COX5A: variants seen among roughly 807,000 people sequenced by gnomAD.
The protein encoded by COX5A is cytochrome c oxidase subunit 5A.
Under a neutral mutation model 16.1 loss-of-function variants are expected in COX5A, and 6 were observed. The observed-to-expected ratio is 0.37, with a 90% confidence interval of 0.20 to 0.73. The LOEUF (loss-of-function observed/expected upper bound fraction) is 0.73, where lower values mean the gene tolerates loss of function less well. COX5A is among the 30% of genes least tolerant of loss of function. COX5A has a pLI of 0.50. For missense variants in COX5A, 159 were observed against 194.9 expected, an observed-to-expected ratio of 0.82 and a Z score of 1.10; for synonymous variants, 73 against 73.8, an observed-to-expected ratio of 0.99 and a Z score of 0.06.
At chr15:74,922,734 C>T (rs958665887) in intron 4 of COX5A, among the ~76,000 whole-genome samples, 8 of 149,396 alleles carry the variant, frequency 5.4e-5, no homozygotes, top group Non-Finnish European at 1.0e-4. Flanking sequence ...GACACAGTCT[C>T]GGCTCACTGC....
intron 3 of COX5A, among the ~76,000 whole-genome samples, chr15:74,924,268 G>A (rs982318030): frequency 7.9e-5 from 12 of 152,064 alleles, no homozygotes; most frequent in African/African-American, 1.7e-4. Context: ...GCTGGGTGCC[G>A]TGGCTCATGC....
chr15:74,937,890 G>C, intron 1 of COX5A, 25 bp downstream of exon 1: 1 of 1,213,840 alleles, frequency 8.2e-7, no homozygotes, highest in Non-Finnish European at 1.0e-6. Flanking sequence ...ACGAGGGCGC[G>C]GGCAGTGGCA....
intron 1 of COX5A, among the ~76,000 whole-genome samples, chr15:74,933,435 C>CTATT (rs2065375788): frequency 9.6e-6 from 1 of 104,536 alleles, no homozygotes; most frequent in Admixed American, 1.0e-4. Context: ...ATCTATCTAT[C>CTATT]TATCTATCTA....
In COX5A at chr15:74,938,065, T is replaced by C; in HGVS notation, c.-51A>G. ...AGGACAGAGAGAAGCCGGTGTAAGC[T>C]CGCGGGTTGCTCCGGAGCGGGCGGG... On this transcript the variant is annotated 5_prime_UTR_variant, in exon 1 of 5. Coordinates refer to ENST00000322347, the MANE Select transcript of COX5A (RefSeq NM_004255.4). 1 of 1,169,530 alleles carries C rather than the reference T, an allele frequency of 8.6e-7. No individual in the cohort carries two copies. Among genetic ancestry groups the C allele is most frequent in the Non-Finnish European group, 1.1e-6 (1 of 933,178 alleles). The allele number at this position is 1,169,530 out of a possible 1,614,324, so 72.4% of individuals were successfully genotyped here. A position where few individuals can be genotyped will look rare whatever the true frequency, so the allele number is the denominator to read the frequency against.
chr15:74,931,159 G>A (rs889786192), intron 1 of COX5A, among the ~76,000 whole-genome samples: 3 of 151,046 alleles, frequency 2.0e-5, no homozygotes, highest in Admixed American at 1.3e-4. Flanking sequence ...TCCCCTAAGG[G>A]AACGTACACT....
intron 1 of COX5A, among the ~76,000 whole-genome samples, chr15:74,935,579 C>CAACA (rs2065385551): frequency 6.9e-6 from 1 of 145,238 alleles, no homozygotes; most frequent in Admixed American, 6.9e-5. Context: ...CCAGCCTAGG[C>CAACA]AACACAGTGA....
rs1196186453 is a variant in COX5A at position 74,923,873 on chromosome 15, G to A, written c.340-103C>T. On this transcript the variant is annotated intron_variant, in intron 3 of 4. Transcript: ENST00000322347. ...CCTTTAATTACTTATGCAGAGGCAG[G>A]TAGGACAGAATAATACAGGTGATCA... is the stretch of plus-strand genomic sequence containing the variant. 1.5e-5 allele frequency: 11 copies of A among 728,458 alleles called. No individual in the cohort carries two copies. The African/African-American group carries it at 1.7e-4, about 12-fold the overall frequency. The allele number at this position is 728,458 out of a possible 1,614,324, so 45.1% of individuals were successfully genotyped here.
intron 1 of COX5A, among the ~76,000 whole-genome samples, chr15:74,933,419 A>C (rs200608897): frequency 7.0e-6 from 1 of 143,394 alleles, no homozygotes; most frequent in African/African-American, 2.5e-5. Context: ...AAAAAAAAAA[A>C]TATCTATCTA....
chr15:74,925,069 T>C (rs1448913119), intron 3 of COX5A, among the ~76,000 whole-genome samples: 1 of 152,178 alleles, frequency 6.6e-6, no homozygotes, highest in Non-Finnish European at 1.5e-5. Context: ...ACGCCTGTAA[T>C]CCCAGCACTT....
At chr15:74,925,801 CAAG>C (rs2065340612) in intron 3 of COX5A, among the ~76,000 whole-genome samples, 1 of 152,070 alleles carries the variant, frequency 6.6e-6, no homozygotes, top group Non-Finnish European at 1.5e-5. Context: ...TGACAAATAG[CAAG>C]AAGATGAATA....
intron 2 of COX5A, among the ~76,000 whole-genome samples, chr15:74,928,447 C>A (rs539683447): frequency 1.3e-5 from 2 of 151,796 alleles, no homozygotes; most frequent in Admixed American, 6.6e-5. Context: ...TGCAGTGGCG[C>A]GATCTCGGCT....
At chr15:74,933,668 G>A (rs2065376788) in intron 1 of COX5A, among the ~76,000 whole-genome samples, 1 of 152,060 alleles carries the variant, frequency 6.6e-6, no homozygotes. Context: ...TTTGGAAGAC[G>A]GTTTAAGCAG....
intron 1 of COX5A, among the ~76,000 whole-genome samples, chr15:74,932,391 G>C (rs1354752106): frequency 6.6e-6 from 1 of 152,040 alleles, no homozygotes; most frequent in Non-Finnish European, 1.5e-5. Context: ...CTAGCCTCAA[G>C]CAATCCTACC....
chr15:74,925,815 C>T (rs959361085), intron 3 of COX5A, among the ~76,000 whole-genome samples: 3 of 152,006 alleles, frequency 2.0e-5, no homozygotes, highest in Admixed American at 6.6e-5. Flanking sequence ...AAGATGAATA[C>T]ACTTTGTAGT....
chr15:74,923,428 G>A (rs1037135525), intron 4 of COX5A, among the ~76,000 whole-genome samples: 10 of 151,288 alleles, frequency 6.6e-5, no homozygotes, highest in South Asian at 2.1e-4. Context: ...AAAAAAAGAC[G>A]AAAGAAAGAA....
intron 1 of COX5A, among the ~76,000 whole-genome samples, chr15:74,934,599 G>A (rs1447884083): frequency 2.0e-5 from 3 of 152,176 alleles, no homozygotes; most frequent in African/African-American, 7.2e-5. Flanking sequence ...CCAAAGTGCT[G>A]GGATTACAGG....
rs185594438 is a variant in COX5A, at chr15:74,930,706, C to T, written c.101-1474G>A. Among the ~76,000 whole-genome samples the T allele has an allele frequency of 7.3e-3, 1,066 of 145,076 alleles. 15 individuals carry two copies. Among genetic ancestry groups the T allele is most frequent in the African/African-American group, 0.026 (1,034 of 39,934 alleles). The stretch of plus-strand genomic sequence containing the variant: ...AGTTCTTAAATAAACTTATATACTT[C>T]ATTCACACATTAAAAAAAAAAAAAT... On this transcript the variant is annotated intron_variant, in intron 1 of 4. Coordinates refer to ENST00000322347, the MANE Select transcript of COX5A (RefSeq NM_004255.4).
In COX5A at chr15:74,920,419, CAAT is replaced by C; in HGVS notation, c.*30_*32del. 1.4e-6 allele frequency: 1 copy of C among 695,730 alleles called. No individual in the cohort carries two copies. Among genetic ancestry groups the C allele is most frequent in the Non-Finnish European group, 2.6e-6 (1 of 382,876 alleles). 43.1% of individuals were successfully genotyped at this position (695,730 alleles called of 1,614,324 possible). A position where few individuals can be genotyped will look rare whatever the true frequency, so the allele number is the denominator to read the frequency against. The stretch of plus-strand genomic sequence containing the variant: ...ACTGTTCACACTCAAGTAGCAATGT[CAAT>C]AAATCCTTGGGGAAGCCCATCTGTA... On this transcript the variant is annotated 3_prime_UTR_variant, in exon 5 of 5. Coordinates refer to ENST00000322347, the MANE Select transcript of COX5A (RefSeq NM_004255.4).
At chr15:74,926,260 T>G (rs867816650) in intron 3 of COX5A, among the ~76,000 whole-genome samples, 1 of 151,496 alleles carries the variant, frequency 6.6e-6, no homozygotes, top group South Asian at 2.1e-4. Context: ...CAGGATGGTT[T>G]CGATCTCCTG....
Sources: allele counts gnomAD v4.1 joint callset (sites outside exome capture counted in the v4.1 genomes callset), GRCh38; gene constraint gnomAD v4.1.1; transcripts MANE v1.5; gene names NCBI Gene and HGNC (gene_info 2026-07-23, HGNC 2026-07-21).